SOX6: variants seen among roughly 807,000 people sequenced by gnomAD.
SOX6 encodes the protein transcription factor SOX-6.
Under a neutral mutation model 97.8 loss-of-function variants are expected in SOX6, and 11 were observed. The ratio of observed to expected loss-of-function variants is 0.11; its 90% CI spans 0.07 to 0.19. The LOEUF (loss-of-function observed/expected upper bound fraction) is 0.19. Ranked by LOEUF, SOX6 falls within the 10% of genes least tolerant of loss-of-function variation. The pLI is 1.00. For synonymous variants in SOX6, 360 were observed against 371.4 expected (o/e 0.97, Z 0.35); for missense variants, 810 against 1,039.5 (o/e 0.78, Z 3.04).
intron 4 of SOX6, among the ~76,000 whole-genome samples, chr11:16,538,656 A>C (rs930124220): frequency 2.6e-5 from 4 of 152,250 alleles, no homozygotes; most frequent in Non-Finnish European, 5.9e-5. Flanking sequence ...AAAACAAAAA[A>C]AAAGCAGGGG....
chr11:16,561,108 A>G (rs896608820), intron 4 of SOX6, among the ~76,000 whole-genome samples: 1 of 152,146 alleles, frequency 6.6e-6, no homozygotes, highest in African/African-American at 2.4e-5. Context: ...TTCCCAAAAA[A>G]CTATTGAAAT....
At chr11:16,641,305 T>G (rs917453366) in intron 3 of SOX6, among the ~76,000 whole-genome samples, 2 of 152,212 alleles carry the variant, frequency 1.3e-5, no homozygotes, top group African/African-American at 4.8e-5. Flanking sequence ...CTTTTGCATT[T>G]GCCGAGGAGT....
chr11:16,634,552 T>C (rs961723072), intron 3 of SOX6, among the ~76,000 whole-genome samples: 2 of 152,222 alleles, frequency 1.3e-5, no homozygotes, highest in African/African-American at 4.8e-5. Context: ...TATTGTATTA[T>C]TTGAATGTAG....
intron 6 of SOX6, among the ~76,000 whole-genome samples, chr11:16,156,989 C>A (rs762540870): frequency 8.6e-5 from 13 of 152,016 alleles, no homozygotes; most frequent in Non-Finnish European, 1.6e-4. Flanking sequence ...TGTATTATCA[C>A]TGCTCACTGA....
intron 1 of SOX6, among the ~76,000 whole-genome samples, chr11:16,407,570 T>A (rs1245248237): frequency 6.6e-6 from 1 of 152,050 alleles, no homozygotes; most frequent in African/African-American, 2.4e-5. Context: ...CAGACACACA[T>A]CCAGCAGGAA....
intron 6 of SOX6, among the ~76,000 whole-genome samples, chr11:16,144,195 A>T (rs1445713582): frequency 6.6e-6 from 1 of 152,174 alleles, no homozygotes; most frequent in Non-Finnish European, 1.5e-5. Flanking sequence ...AGATTAAGAA[A>T]CTCACTCAAA....
intron 4 of SOX6, among the ~76,000 whole-genome samples, chr11:16,570,246 A>G (rs1248076585): frequency 2.0e-5 from 3 of 152,224 alleles, no homozygotes; most frequent in Non-Finnish European, 4.4e-5. Flanking sequence ...CATTGAGCTC[A>G]GAGATGCATG....
chr11:16,707,055 A>C (rs1007451787), intron 3 of SOX6, among the ~76,000 whole-genome samples: 1 of 152,172 alleles, frequency 6.6e-6, no homozygotes, highest in Non-Finnish European at 1.5e-5. Context: ...GTGGATCTTA[A>C]AGGCAGTGTT....
chr11:16,363,963 T>G (rs553931660), intron 1 of SOX6, among the ~76,000 whole-genome samples: 123 of 152,270 alleles, frequency 8.1e-4, no homozygotes, highest in Middle Eastern at 3.4e-3. Flanking sequence ...CCAGATGTTC[T>G]TTTCCATCAC....
At chr11:16,478,144 T>C (rs7927277), upstream of SOX6, among the ~76,000 whole-genome samples, 45 of 152,124 alleles carry the variant, frequency 3.0e-4, no homozygotes, top group Non-Finnish European at 5.7e-4. Context: ...ATAAATTTTA[T>C]AGCAAAATGC....
chr11:16,275,304 A>T (rs920382540), intron 3 of SOX6, among the ~76,000 whole-genome samples: 44 of 147,990 alleles, frequency 3.0e-4, no homozygotes, highest in East Asian at 3.0e-3. Flanking sequence ...AAAAAAAAAA[A>T]ATAGCCGGGT....
intron 1 of SOX6, chr11:16,434,054 C>G (rs1047439804): frequency 1.3e-5 from 2 of 152,000 alleles, no homozygotes; most frequent in Non-Finnish European, 1.5e-5. Context: ...TTTCCATTTA[C>G]CAGGCACTAC....
chr11:16,252,543 A>G (rs1039166502), intron 3 of SOX6: 4 of 152,302 alleles, frequency 2.6e-5, no homozygotes, highest in Non-Finnish European at 4.4e-5. Flanking sequence ...TTTTACCTCC[A>G]GAAGCTCTAC....
At chr11:16,426,145 G>T (rs554346019) in intron 1 of SOX6, among the ~76,000 whole-genome samples, 7 of 149,760 alleles carry the variant, frequency 4.7e-5, no homozygotes, top group African/African-American at 1.7e-4. Flanking sequence ...AATCCCAGCT[G>T]CTCGGGAGGC....
intron 8 of SOX6, among the ~76,000 whole-genome samples, chr11:16,096,809 G>A (rs534788218): frequency 2.0e-5 from 3 of 151,950 alleles, no homozygotes; most frequent in African/African-American, 7.2e-5. Context: ...TTGAAGTCAA[G>A]TTGTTGATTA....
chr11:16,519,674 T>A (rs1204010837), intron 4 of SOX6, among the ~76,000 whole-genome samples: 1 of 152,172 alleles, frequency 6.6e-6, no homozygotes, highest in African/African-American at 2.4e-5. Flanking sequence ...TGAGTACAGG[T>A]GTCTTTTTGA....
At chr11:15,973,263 T>C in intron 15 of SOX6, 151 bp from the exon 16 acceptor site, 1 of 784,712 alleles carries the variant, frequency 1.3e-6, no homozygotes, top group Admixed American at 2.3e-5. Flanking sequence ...GACAAAGGTG[T>C]TCCCTGGAGG....
intron 4 of SOX6, among the ~76,000 whole-genome samples, chr11:16,597,703 A>C (rs1452605736): frequency 6.6e-6 from 1 of 152,016 alleles, no homozygotes; most frequent in African/African-American, 2.4e-5. Context: ...AAGATTATAA[A>C]ATCTCCTTTT....
At chr11:16,537,355 C>G (rs1179773261) in intron 4 of SOX6, among the ~76,000 whole-genome samples, 2 of 152,154 alleles carry the variant, frequency 1.3e-5, no homozygotes, top group African/African-American at 4.8e-5. Context: ...ATAAAAACCA[C>G]AAACATGAGG....
Sources: gnomAD v4.1 joint callset for allele counts (sites outside exome capture counted in the v4.1 genomes callset) on GRCh38, gnomAD v4.1.1 for gene constraint, MANE v1.5 for transcripts, NCBI Gene and HGNC (gene_info 2026-07-23, HGNC 2026-07-21) for gene names.